Variants in FSTL5 observed in about 807,000 individuals in gnomAD.
FSTL5 encodes the protein follistatin-related protein 5.
In FSTL5, 62 loss-of-function variants were observed where a neutral mutation model predicts 89.1. The ratio of observed to expected loss-of-function variants is 0.70; its 90% CI spans 0.57 to 0.86. The LOEUF (loss-of-function observed/expected upper bound fraction) is 0.86, where lower values mean the gene tolerates loss of function less well. FSTL5 is among the 40% of genes least tolerant of loss of function. The pLI is 0.00. For missense variants in FSTL5, 1,057 were observed against 1,001.6 expected (o/e 1.06, Z -0.75); for synonymous variants, 383 against 346.2 (o/e 1.11, Z -1.18).
chr4:161,602,618 G>A (rs181257319), intron 7 of FSTL5, among the ~76,000 whole-genome samples: 53 of 152,182 alleles, frequency 3.5e-4, no homozygotes, highest in Non-Finnish European at 6.6e-4. Context: ...AAGATAAAGA[G>A]AAATGTTTGA....
At chr4:161,771,672 A>G (rs1741215239) in intron 5 of FSTL5, among the ~76,000 whole-genome samples, 1 of 152,130 alleles carries the variant, frequency 6.6e-6, no homozygotes, top group East Asian at 1.9e-4. Flanking sequence ...TCCCTTCTTC[A>G]GTTATAACCT....
chr4:161,433,249 A>G (rs1298663584), intron 15 of FSTL5, among the ~76,000 whole-genome samples: 1 of 151,888 alleles, frequency 6.6e-6, no homozygotes, highest in Non-Finnish European at 1.5e-5. Context: ...GATTTATCCC[A>G]GAAATATGTA....
intron 2 of FSTL5, among the ~76,000 whole-genome samples, chr4:162,066,267 A>G (rs1200385586): frequency 7.0e-6 from 1 of 141,890 alleles, no homozygotes; most frequent in Non-Finnish European, 1.5e-5. Context: ...CCTATTTTTA[A>G]TTGGGTTCCT....
At chr4:161,794,800 ATTAAGTT>A (rs1729580643) in intron 4 of FSTL5, among the ~76,000 whole-genome samples, 1 of 152,100 alleles carries the variant, frequency 6.6e-6, no homozygotes, top group Non-Finnish European at 1.5e-5. Flanking sequence ...TTTGTACTCA[ATTAAGTT>A]TTAAGACATA....
chr4:161,840,249 A>G (rs1440863044), intron 4 of FSTL5, among the ~76,000 whole-genome samples: 1 of 152,146 alleles, frequency 6.6e-6, no homozygotes, highest in Non-Finnish European at 1.5e-5. Context: ...GTGACTGGGA[A>G]GTAAAGAGTG....
At chr4:161,706,022 T>C (rs1453885600) in intron 6 of FSTL5, among the ~76,000 whole-genome samples, 2 of 134,912 alleles carry the variant, frequency 1.5e-5, no homozygotes, top group African/African-American at 2.7e-5. Context: ...ACACAGACTA[T>C]ACCTTTTTAC....
chr4:161,968,505 G>A (rs768360771), intron 3 of FSTL5, among the ~76,000 whole-genome samples: 2 of 152,002 alleles, frequency 1.3e-5, no homozygotes, highest in Non-Finnish European at 2.9e-5. Context: ...AATATAAAAT[G>A]TTATTTTTAT....
chr4:161,493,705 C>T (rs1294010322), intron 12 of FSTL5, among the ~76,000 whole-genome samples: 3 of 151,852 alleles, frequency 2.0e-5, no homozygotes, highest in African/African-American at 4.8e-5. Context: ...ACCTTAAACA[C>T]GTTTATTTGT....
chr4:162,083,023 T>G (rs1055052094), intron 2 of FSTL5, among the ~76,000 whole-genome samples: 1 of 151,646 alleles, frequency 6.6e-6, no homozygotes, highest in Admixed American at 6.6e-5. Flanking sequence ...GCTAAATGAA[T>G]GATATCAGTA....
At chr4:161,692,341 C>CGTGT (rs70937677) in intron 6 of FSTL5, among the ~76,000 whole-genome samples, 69,680 of 148,626 alleles carry the variant, frequency 0.47, 17,319 homozygotes, top group East Asian at 0.84. Context: ...ATATGGAGAT[C>CGTGT]GTGTGTGTGT....
chr4:162,054,156 G>A (rs967043279), intron 2 of FSTL5, among the ~76,000 whole-genome samples: 1 of 150,840 alleles, frequency 6.6e-6, no homozygotes, highest in African/African-American at 2.5e-5. Flanking sequence ...ATTTATATTA[G>A]AAAATTTAGT....
chr4:161,585,309 T>C (rs1287938027), intron 8 of FSTL5, among the ~76,000 whole-genome samples: 1 of 152,166 alleles, frequency 6.6e-6, no homozygotes, highest in African/African-American at 2.4e-5. Flanking sequence ...TTTAGAATAG[T>C]TGTCACACTT....
chr4:161,630,702 A>C (rs185113209), intron 7 of FSTL5, among the ~76,000 whole-genome samples: 62 of 152,352 alleles, frequency 4.1e-4, no homozygotes, highest in African/African-American at 1.4e-3. Flanking sequence ...CAATTGCCTC[A>C]AAGTCAACAT....
At chr4:161,785,211 G>T (rs965248280) in intron 4 of FSTL5, among the ~76,000 whole-genome samples, 2 of 152,100 alleles carry the variant, frequency 1.3e-5, no homozygotes, top group Non-Finnish European at 2.9e-5. Flanking sequence ...TTCACATGAG[G>T]TACAGAAGCT....
intron 4 of FSTL5, among the ~76,000 whole-genome samples, chr4:161,784,469 CATGT>C (rs1298648161): frequency 6.6e-6 from 1 of 151,868 alleles, no homozygotes. Flanking sequence ...TCAAAAGATG[CATGT>C]GATTCTATTA....
At chr4:161,823,863 T>C (rs567672719) in intron 4 of FSTL5, among the ~76,000 whole-genome samples, 2 of 152,304 alleles carry the variant, frequency 1.3e-5, no homozygotes, top group South Asian at 2.1e-4. Flanking sequence ...TGGGATTGTT[T>C]GTGTTTTCTT....
At chr4:161,654,277 T>C (rs1454603195) in intron 7 of FSTL5, among the ~76,000 whole-genome samples, 1 of 151,978 alleles carries the variant, frequency 6.6e-6, no homozygotes, top group Non-Finnish European at 1.5e-5. Flanking sequence ...TTTAAATGAG[T>C]TTACAATGAT....
chr4:161,862,037 A>G (rs1731933593), intron 4 of FSTL5, among the ~76,000 whole-genome samples: 2 of 152,206 alleles, frequency 1.3e-5, no homozygotes, highest in Non-Finnish European at 2.9e-5. Flanking sequence ...TTAACCCTCA[A>G]TGGGAATGAA....
At chr4:161,438,756 T>G (rs765888960) in intron 15 of FSTL5, among the ~76,000 whole-genome samples, 7 of 152,106 alleles carry the variant, frequency 4.6e-5, no homozygotes, top group Non-Finnish European at 1.0e-4. Context: ...TTGCAAATGA[T>G]TAATTTTTTT....
Sources: gnomAD v4.1 joint callset for allele counts (sites outside exome capture counted in the v4.1 genomes callset) on GRCh38, gnomAD v4.1.1 for gene constraint, MANE v1.5 for transcripts, NCBI Gene and HGNC (gene_info 2026-07-23, HGNC 2026-07-21) for gene names.